ADGRL3: variants seen among roughly 807,000 people sequenced by gnomAD.
ADGRL3 encodes calcium-independent alpha-latrotoxin receptor 3.
ADGRL3 carries 62 observed loss-of-function variants against 153.5 expected under a neutral mutation model. That is an observed-to-expected ratio of 0.40 (90% CI 0.33 to 0.50). The LOEUF (loss-of-function observed/expected upper bound fraction) is 0.50, where lower values mean the gene tolerates loss of function less well. Ranked by LOEUF, ADGRL3 falls within the 20% of genes least tolerant of loss-of-function variation. The pLI, the probability that ADGRL3 is intolerant of heterozygous loss-of-function variation, is 0.47. For synonymous variants in ADGRL3, 710 were observed against 672.5 expected (o/e 1.06, Z -0.86); for missense variants, 1,641 against 1,859.4 (o/e 0.88, Z 2.16).
chr4:61,990,121 G>A (rs2099098704), intron 19 of ADGRL3, among the ~76,000 whole-genome samples: 1 of 152,014 alleles, frequency 6.6e-6, no homozygotes, highest in Admixed American at 6.6e-5. Context: ...ATTTATGTTA[G>A]CCAAAACATG....
chr4:61,623,286 C>T (rs1185410463), intron 5 of ADGRL3, among the ~76,000 whole-genome samples: 16 of 152,022 alleles, frequency 1.1e-4, no homozygotes, highest in Admixed American at 1.0e-3. Flanking sequence ...CTGATAAAAC[C>T]AGTTCTCACT....
At chr4:61,638,361 G>T (rs574035270) in intron 5 of ADGRL3, among the ~76,000 whole-genome samples, 1 of 152,140 alleles carries the variant, frequency 6.6e-6, no homozygotes, top group East Asian at 1.9e-4. Flanking sequence ...GTTGAGTGGG[G>T]GTTCAGTGAA....
At chr4:62,067,202 G>A (rs1743407711) in intron 25 of ADGRL3, among the ~76,000 whole-genome samples, 1 of 152,028 alleles carries the variant, frequency 6.6e-6, no homozygotes, top group Non-Finnish European at 1.5e-5. Flanking sequence ...TCTTTAAACT[G>A]TCATTAAATT....
intron 8 of ADGRL3, among the ~76,000 whole-genome samples, chr4:61,801,783 A>G (rs2097500625): frequency 6.6e-6 from 1 of 152,162 alleles, no homozygotes; most frequent in Admixed American, 6.6e-5. Context: ...TAATGTCCTG[A>G]AAGTATATTA....
intron 8 of ADGRL3, chr4:61,775,701 A>T: frequency 7.2e-7 from 1 of 1,394,282 alleles, no homozygotes; most frequent in Non-Finnish European, 1.0e-6. Flanking sequence ...ATGCAAGCAC[A>T]CAAAGGTGGG....
chr4:61,749,586 A>G (rs2096724100), intron 8 of ADGRL3, among the ~76,000 whole-genome samples: 1 of 152,218 alleles, frequency 6.6e-6, no homozygotes, highest in African/African-American at 2.4e-5. Flanking sequence ...GGAAATCATC[A>G]TTCTCAGTAA....
At chr4:61,992,547 C>T (rs1379950184) in intron 19 of ADGRL3, among the ~76,000 whole-genome samples, 2 of 152,054 alleles carry the variant, frequency 1.3e-5, no homozygotes, top group African/African-American at 4.8e-5. Context: ...GGCCATATGG[C>T]AATCAAATTA....
At chr4:61,288,010 A>G (rs1175852510) in intron 1 of ADGRL3, among the ~76,000 whole-genome samples, 1 of 151,928 alleles carries the variant, frequency 6.6e-6, no homozygotes, top group African/African-American at 2.4e-5. Context: ...TTTATTCATA[A>G]TACTACATCC....
chr4:61,921,057 G>A (rs1163376363), intron 13 of ADGRL3, among the ~76,000 whole-genome samples: 1 of 151,702 alleles, frequency 6.6e-6, no homozygotes, highest in East Asian at 1.9e-4. Context: ...CAATACAAGG[G>A]TAACTTTTGA....
At chr4:61,706,168 T>C (rs1035986616) in intron 6 of ADGRL3, among the ~76,000 whole-genome samples, 7 of 152,118 alleles carry the variant, frequency 4.6e-5, no homozygotes, top group African/African-American at 1.7e-4. Context: ...ACGCTTGTAA[T>C]CCCAACACTT....
intron 2 of ADGRL3, among the ~76,000 whole-genome samples, chr4:61,486,482 A>G (rs979819516): frequency 1.3e-4 from 20 of 152,180 alleles, no homozygotes; most frequent in African/African-American, 4.1e-4. Context: ...TCCTAATCAT[A>G]AAGGCTCTAA....
At chr4:61,736,674 A>T (rs2096520352) in intron 8 of ADGRL3, among the ~76,000 whole-genome samples, 1 of 152,104 alleles carries the variant, frequency 6.6e-6, no homozygotes, top group African/African-American at 2.4e-5. Flanking sequence ...TAAATAAATA[A>T]ATAAAAGGAT....
intron 3 of ADGRL3, among the ~76,000 whole-genome samples, 167 bp downstream of exon 3, chr4:61,497,515 C>CTTTTTTTTTTTTTTTTT (rs5858707): frequency 1.0e-5 from 1 of 95,340 alleles, no homozygotes. Context: ...CTTTTCTTTT[C>CTTTTTTTTTTTTTTTTT]TTTTTTTTTT....
intron 6 of ADGRL3, among the ~76,000 whole-genome samples, chr4:61,703,849 T>C (rs2151350757): frequency 7.0e-6 from 1 of 142,642 alleles, no homozygotes; most frequent in Non-Finnish European, 1.5e-5. Flanking sequence ...ATTTTAGTCT[T>C]TTTTTTTTTC....
At chr4:61,948,675 C>T (rs901025618) in intron 17 of ADGRL3, among the ~76,000 whole-genome samples, 4 of 152,112 alleles carry the variant, frequency 2.6e-5, no homozygotes, top group Admixed American at 6.6e-5. Flanking sequence ...GTCAAACTGA[C>T]TCTTGGGAAA....
At position 61,380,252 on chromosome 4, in the gene ADGRL3, C is replaced by T. The variant is rs1578542587; in HGVS notation, c.-239-2872C>T. On this transcript the variant is annotated intron_variant, in intron 1 of 26. Coordinates refer to ENST00000683033, the MANE Select transcript of ADGRL3 (RefSeq NM_001387552.1). ...TGTATCTATCTCTTTCTTTCACTTACTGCTCCACAACTGGAATGCAGAGGT... is the reference window on the plus strand; with the variant it reads ...TGTATCTATCTCTTTCTTTCACTTATTGCTCCACAACTGGAATGCAGAGGT... 2.0e-5 allele frequency among the ~76,000 whole-genome samples: 3 copies of T among 151,866 alleles called. No homozygotes were observed. In the South Asian group the frequency reaches 6.2e-4, roughly 31 times the overall value.
At chr4:61,983,846 A>G (rs2099076618) in intron 19 of ADGRL3, among the ~76,000 whole-genome samples, 1 of 152,174 alleles carries the variant, frequency 6.6e-6, no homozygotes, top group Non-Finnish European at 1.5e-5. Flanking sequence ...TGTAATTATG[A>G]AGAGATCATA....
chr4:61,986,458 T>C (rs2099085878), intron 19 of ADGRL3, among the ~76,000 whole-genome samples: 1 of 152,178 alleles, frequency 6.6e-6, no homozygotes, highest in Non-Finnish European at 1.5e-5. Context: ...ATCAATAATA[T>C]GTAGCCTCTT....
intron 17 of ADGRL3, among the ~76,000 whole-genome samples, chr4:61,960,451 T>C (rs966474312): frequency 2.0e-5 from 3 of 151,964 alleles, no homozygotes; most frequent in African/African-American, 7.3e-5. Context: ...GGCCGGAGGG[T>C]CTAGAACAGA....
Sources: allele counts gnomAD v4.1 joint callset (sites outside exome capture counted in the v4.1 genomes callset), GRCh38; gene constraint gnomAD v4.1.1; transcripts MANE v1.5; gene names NCBI Gene and HGNC (gene_info 2026-07-23, HGNC 2026-07-21).